Variants in BTBD1 observed in about 807,000 individuals in gnomAD.
BTBD1 encodes the protein BTB/POZ domain-containing protein 1.
Under a neutral mutation model 48.0 loss-of-function variants are expected in BTBD1, and 34 were observed. That is an observed-to-expected ratio of 0.71 (90% CI 0.54 to 0.94). BTBD1 has a LOEUF of 0.94. BTBD1 is among the 40% of genes least tolerant of loss of function. BTBD1 has a pLI of 0.00. For synonymous variants in BTBD1, 261 were observed against 242.1 expected (o/e 1.08, Z -0.72); for missense variants, 543 against 625.6 (o/e 0.87, Z 1.41).
intron 1 of BTBD1, among the ~76,000 whole-genome samples, 179 bp downstream of exon 1, chr15:83,066,572 A>G (rs1053305641): frequency 1.3e-5 from 2 of 152,156 alleles, no homozygotes; most frequent in African/African-American, 2.4e-5. Context: ...CCTGGTTCAC[A>G]GATTTCGATT....
At chr15:83,035,905 T>C (rs949416091) in intron 4 of BTBD1, among the ~76,000 whole-genome samples, 1 of 151,752 alleles carries the variant, frequency 6.6e-6, no homozygotes, top group Non-Finnish European at 1.5e-5. Flanking sequence ...AAAAAATATA[T>C]ATAGACTAAT....
chr15:83,067,044 G>A lies in BTBD1; in HGVS notation c.108C>T (p.Pro36=), dbSNP rs750950425. 23 of 1,580,722 alleles carry A rather than the reference G, an allele frequency of 1.5e-5. No homozygotes were observed. Among genetic ancestry groups the A allele is most frequent in the African/African-American group, 4.2e-5 (3 of 71,094 alleles). The change falls in exon 1 of 8, where the codon CCC becomes CCT. Residue 36 remains proline (P), a synonymous_variant. Coordinates refer to ENST00000261721, the MANE Select transcript of BTBD1 (RefSeq NM_025238.4). ...PPPPSPSSLG[P]LLPLQREPLY... The stretch of plus-strand genomic sequence containing the variant: ...GAGGTTCCCGCTGCAGGGGGAGCAG[G>A]GGCCCCAGAGAGGACGGTGAGGGCG...
intron 5 of BTBD1, among the ~76,000 whole-genome samples, chr15:83,022,060 T>TAA (rs1685877359): frequency 6.6e-6 from 1 of 151,996 alleles, no homozygotes; most frequent in South Asian, 2.1e-4. Context: ...TAATTTTTTT[T>TAA]AAAGAGATGG....
intron 6 of BTBD1, among the ~76,000 whole-genome samples, chr15:83,019,589 CTT>C (rs1242041752): frequency 1.1e-4 from 14 of 132,944 alleles, no homozygotes; most frequent in Admixed American, 3.8e-4. Context: ...AGCCTGGTGT[CTT>C]TTTTTTTTTT....
intron 4 of BTBD1, among the ~76,000 whole-genome samples, chr15:83,035,156 T>A (rs2032600504): frequency 6.6e-6 from 1 of 152,036 alleles, no homozygotes; most frequent in Admixed American, 6.6e-5. Context: ...TAGCCGAGCG[T>A]GGCACCGCAT....
chr15:83,064,306 T>C (rs942634275), intron 1 of BTBD1, among the ~76,000 whole-genome samples: 14 of 151,166 alleles, frequency 9.3e-5, no homozygotes, highest in African/African-American at 3.4e-4. Context: ...AATTTCAAAA[T>C]AGAACAATGA....
intron 5 of BTBD1, among the ~76,000 whole-genome samples, chr15:83,026,424 T>C (rs1014746431): frequency 1.3e-5 from 2 of 151,962 alleles, no homozygotes; most frequent in African/African-American, 2.4e-5. Context: ...AACTTTTAAG[T>C]GTCTTGCCAG....
intron 1 of BTBD1, among the ~76,000 whole-genome samples, chr15:83,059,388 A>G (rs1261596227): frequency 6.6e-6 from 1 of 152,100 alleles, no homozygotes; most frequent in Non-Finnish European, 1.5e-5. Flanking sequence ...TCTACTAAAA[A>G]CACAAAAATT....
At chr15:83,051,129 G>C (rs1482514485) in intron 2 of BTBD1, among the ~76,000 whole-genome samples, 1 of 151,998 alleles carries the variant, frequency 6.6e-6, no homozygotes, top group Non-Finnish European at 1.5e-5. Flanking sequence ...TATGATGATA[G>C]GCATGCCAAT....
At chr15:83,056,266 TA>T (rs1354112032) in intron 2 of BTBD1, 122 bp downstream of exon 2, 1 of 647,212 alleles carries the variant, frequency 1.5e-6, no homozygotes, top group East Asian at 2.8e-5. Flanking sequence ...ATTTGTATTA[TA>T]AAAATCATTT....
At chr15:83,025,819 G>A (rs1488113169) in intron 5 of BTBD1, among the ~76,000 whole-genome samples, 1 of 151,900 alleles carries the variant, frequency 6.6e-6, no homozygotes, top group Admixed American at 6.6e-5. Flanking sequence ...ACCCAGCCTG[G>A]AGTGCAGTGG....
In BTBD1 at chr15:83,041,822, T is replaced by C. The variant is rs781471110; in HGVS notation, c.768A>G (p.Gln256=). 1.2e-6 allele frequency: 2 copies of C among 1,614,218 alleles called. No homozygotes were observed. The highest frequency in any genetic ancestry group is 4.5e-5 in the East Asian group (2 of 44,888). Residue 256 remains glutamine, a synonymous_variant, in exon 4 of 8, where the codon CAA becomes CAG. Transcript: ENST00000261721. The stretch of plus-strand genomic sequence containing the variant: ...GTTTATTCCCAAAAGTCACAGGTAA[T>C]TGTTGTCTCTGACATTCTGCTTCTG... ...RWAEAECQRQ[Q]LPVTFGNKQK... is the part of the protein sequence containing the mutation.
At chr15:83,052,924 C>A (rs1299755342) in intron 2 of BTBD1, among the ~76,000 whole-genome samples, 1 of 150,616 alleles carries the variant, frequency 6.6e-6, no homozygotes, top group Non-Finnish European at 1.5e-5. Flanking sequence ...TGTGAGCCAC[C>A]ACTCCCAGCC....
rs144617277 is a variant in BTBD1 at position 83,040,071 on chromosome 15, C to A, written c.862+1657G>T. 6.8e-4 allele frequency among the ~76,000 whole-genome samples: 103 copies of A among 151,958 alleles called. 1 individual carries two copies. In the East Asian group the frequency reaches 0.018, roughly 27 times the overall value. On this transcript the variant is annotated intron_variant, in intron 4 of 7. Transcript: ENST00000261721. ...AGCCATAAAAAAGAACAAAATCATG[C>A]CTTTCGCAGCAACATGGATGCAGCT...
chr15:83,031,906 TA>T (rs1302530290), intron 4 of BTBD1, among the ~76,000 whole-genome samples: 1 of 151,838 alleles, frequency 6.6e-6, no homozygotes, highest in African/African-American at 2.4e-5. Flanking sequence ...TGGCCATAAT[TA>T]AAAAATAAAA....
chr15:83,026,900 A>G (rs911293156), intron 5 of BTBD1, among the ~76,000 whole-genome samples: 2 of 152,130 alleles, frequency 1.3e-5, no homozygotes, highest in African/African-American at 4.8e-5. Context: ...GTCAATTCTC[A>G]TTATCTGTGG....
intron 4 of BTBD1, among the ~76,000 whole-genome samples, chr15:83,035,907 T>G (rs1189977250): frequency 6.6e-6 from 1 of 151,778 alleles, no homozygotes; most frequent in African/African-American, 2.4e-5. Flanking sequence ...AAAATATATA[T>G]AGACTAATTT....
intron 5 of BTBD1, among the ~76,000 whole-genome samples, chr15:83,026,812 G>C (rs144131015): frequency 6.6e-6 from 1 of 152,236 alleles, no homozygotes; most frequent in Non-Finnish European, 1.5e-5. Flanking sequence ...ATGAGCCACT[G>C]TGCCCAGCCT....
chr15:83,023,045 C>A (rs892230113), intron 5 of BTBD1, among the ~76,000 whole-genome samples: 2 of 152,046 alleles, frequency 1.3e-5, no homozygotes, highest in Non-Finnish European at 2.9e-5. Context: ...TTCCATAAAT[C>A]CAGACAGCCC....
Sources: allele counts gnomAD v4.1 joint callset (sites outside exome capture counted in the v4.1 genomes callset), GRCh38; gene constraint gnomAD v4.1.1; transcripts MANE v1.5; gene names NCBI Gene and HGNC (gene_info 2026-07-23, HGNC 2026-07-21).